The following GXYLT1 variants were observed in gnomAD, a reference collection of about 807,000 sequenced individuals.
GXYLT1 encodes the protein glycosyltransferase 8 domain containing 3.
In GXYLT1, 29 loss-of-function variants were observed where a neutral mutation model predicts 54.0. The observed-to-expected ratio is 0.54, with a 90% CI of 0.40 to 0.73. The LOEUF (loss-of-function observed/expected upper bound fraction) is 0.73. Among genes scored for constraint, GXYLT1 ranks in the 30% least tolerant of loss-of-function variants. GXYLT1 has a pLI of 0.00. For missense variants in GXYLT1, 490 were observed against 553.4 expected, an observed-to-expected ratio of 0.89 and a Z score of 1.15; for synonymous variants, 176 against 204.1, an observed-to-expected ratio of 0.86 and a Z score of 1.17.
intron 3 of GXYLT1, among the ~76,000 whole-genome samples, chr12:42,111,998 G>C (rs2065460055): frequency 6.6e-6 from 1 of 152,226 alleles, no homozygotes; most frequent in Non-Finnish European, 1.5e-5. Context: ...CTGTTCTGCA[G>C]CCACTGCTGC....
chr12:42,134,160 A>G (rs942253885), intron 1 of GXYLT1, among the ~76,000 whole-genome samples: 5 of 152,094 alleles, frequency 3.3e-5, no homozygotes, highest in Non-Finnish European at 7.4e-5. Flanking sequence ...TGATCATGCC[A>G]ATGCACACCA....
At chr12:42,119,279 G>A (rs1592117830) in intron 2 of GXYLT1, 108 bp from the exon 3 acceptor site, 4 of 856,084 alleles carry the variant, frequency 4.7e-6, no homozygotes, top group East Asian at 4.9e-5. Flanking sequence ...TGTGACTCAT[G>A]CCTGCAGTCC....
intron 7 of GXYLT1, among the ~76,000 whole-genome samples, chr12:42,091,272 C>T (rs1210166751): frequency 6.6e-6 from 1 of 151,416 alleles, no homozygotes; most frequent in African/African-American, 2.4e-5. Flanking sequence ...CATCTGAAAT[C>T]CTTTTAAAAA....
intron 3 of GXYLT1, among the ~76,000 whole-genome samples, chr12:42,114,734 T>G (rs569364146): frequency 1.1e-4 from 17 of 152,270 alleles, no homozygotes; most frequent in African/African-American, 3.1e-4. Context: ...CTTCTGAAAC[T>G]ATTCCAATCA....
At chr12:42,093,808 G>T (rs879647289) in intron 7 of GXYLT1, among the ~76,000 whole-genome samples, 11 of 152,048 alleles carry the variant, frequency 7.2e-5, no homozygotes, top group African/African-American at 1.4e-4. Context: ...AAAGTGCTAG[G>T]ATTACAGATA....
At chr12:42,098,324 C>CTGGTTT (rs2065368948) in intron 5 of GXYLT1, among the ~76,000 whole-genome samples, 1 of 152,106 alleles carries the variant, frequency 6.6e-6, no homozygotes, top group African/African-American at 2.4e-5. Flanking sequence ...GTACCTACGT[C>CTGGTTT]TGGGCCTACG....
chr12:42,130,533 T>G (rs913522852), intron 1 of GXYLT1, among the ~76,000 whole-genome samples: 3 of 152,002 alleles, frequency 2.0e-5, no homozygotes, highest in Non-Finnish European at 4.4e-5. Context: ...GAACATACAT[T>G]ACTACAGTCA....
At chr12:42,119,411 G>C (rs538765998) in intron 2 of GXYLT1, among the ~76,000 whole-genome samples, 123 of 149,782 alleles carry the variant, frequency 8.2e-4, no homozygotes, top group African/African-American at 2.6e-3. Context: ...GTGAAAGACA[G>C]AGAAGAAAGA....
chr12:42,096,697 T>C (rs528635896), intron 7 of GXYLT1, among the ~76,000 whole-genome samples: 1 of 152,266 alleles, frequency 6.6e-6, no homozygotes, highest in South Asian at 2.1e-4. Context: ...CTAAATCTTG[T>C]AGGAAAATTT....
chr12:42,109,526 A>G, intron 4 of GXYLT1, 40 bp downstream of exon 4: 1 of 1,118,642 alleles, frequency 8.9e-7, no homozygotes, highest in Non-Finnish European at 1.2e-6. Context: ...TCAAATTTAA[A>G]AAAAAAAAAA....
At chr12:42,111,789 T>C (rs191380112) in intron 3 of GXYLT1, among the ~76,000 whole-genome samples, 2 of 152,348 alleles carry the variant, frequency 1.3e-5, no homozygotes, top group Admixed American at 1.3e-4. Flanking sequence ...AAGAGAGTAG[T>C]GGTTCTCCCA....
chr12:42,133,209 C>T (rs2065602343), intron 1 of GXYLT1, among the ~76,000 whole-genome samples: 1 of 151,946 alleles, frequency 6.6e-6, no homozygotes, highest in Admixed American at 6.6e-5. Context: ...ACCCAGGAGG[C>T]GGAGGTTTCA....
intron 1 of GXYLT1, among the ~76,000 whole-genome samples, chr12:42,140,200 C>CGGG (rs1188871012): frequency 7.9e-5 from 3 of 38,110 alleles, no homozygotes; most frequent in African/African-American, 1.3e-4. Context: ...AAAAAAAAGG[C>CGGG]GGGGGGGGGG....
chr12:42,097,753 A>G (rs984842551), intron 6 of GXYLT1, 139 bp from the exon 7 acceptor site: 1 of 1,019,270 alleles, frequency 9.8e-7, no homozygotes, highest in Non-Finnish European at 1.4e-6. Context: ...GATCTCTTCC[A>G]ATTAAAGCAA....
intron 1 of GXYLT1, among the ~76,000 whole-genome samples, chr12:42,140,196 A>AAAG (rs2065643725): frequency 3.0e-5 from 2 of 66,074 alleles, no homozygotes; most frequent in Non-Finnish European, 6.0e-5. Flanking sequence ...AAAAAAAAAA[A>AAAG]AGGCGGGGGG....
chr12:42,128,209 T>C (rs1198973271), intron 2 of GXYLT1, among the ~76,000 whole-genome samples: 1 of 152,136 alleles, frequency 6.6e-6, no homozygotes, highest in Non-Finnish European at 1.5e-5. Context: ...TGTCTACAGA[T>C]AATTATGTTT....
intron 2 of GXYLT1, among the ~76,000 whole-genome samples, chr12:42,122,326 A>C (rs1029977234): frequency 6.6e-6 from 1 of 152,222 alleles, no homozygotes; most frequent in Non-Finnish European, 1.5e-5. Context: ...ACGGTGGCTC[A>C]CACCTGTAAT....
chr12:42,119,188 CCA>C lies in GXYLT1; in HGVS notation c.315-19_315-18del. On this transcript the variant is annotated intron_variant, in intron 2 of 7. Transcript: ENST00000398675. ...AGACTGTACCTAATAGGAAAGAAAA[CCA>C]CATTTTTCAACAGTTTTAGTATATG... The C allele has an allele frequency of 6.7e-7, 1 of 1,497,032 alleles. No homozygotes were observed. Among genetic ancestry groups the C allele is most frequent in the Non-Finnish European group, 9.0e-7 (1 of 1,117,116 alleles). The allele number at this position is 1,497,032 out of a possible 1,614,324, so 92.7% of individuals were successfully genotyped here. A position where few individuals can be genotyped will look rare whatever the true frequency, so the allele number is the denominator to read the frequency against.
At chr12:42,096,975 C>T (rs888092872) in intron 7 of GXYLT1, among the ~76,000 whole-genome samples, 5 of 151,788 alleles carry the variant, frequency 3.3e-5, no homozygotes, top group Admixed American at 6.6e-5. Flanking sequence ...GAAGAACATT[C>T]TAATAAAAAA....
Sources: allele counts gnomAD v4.1 joint callset (sites outside exome capture counted in the v4.1 genomes callset), GRCh38; gene constraint gnomAD v4.1.1; transcripts MANE v1.5; gene names NCBI Gene and HGNC (gene_info 2026-07-23, HGNC 2026-07-21).